The following ZNF888 variants were observed in gnomAD, a reference collection of about 807,000 sequenced individuals.
ZNF888 encodes CTD-2331H12.6.
A neutral mutation model predicts 7.2 loss-of-function variants in ZNF888; 5 were observed. That is an observed-to-expected ratio of 0.70 (90% CI 0.36 to 1.46). The LOEUF (loss-of-function observed/expected upper bound fraction) is 1.46, where lower values mean the gene tolerates loss of function less well. Ranked by LOEUF, ZNF888 falls within the 40% of genes most tolerant of loss-of-function variation. ZNF888 has a pLI of 0.03. For synonymous variants in ZNF888, 240 were observed against 284.3 expected (o/e 0.84, Z 1.57); for missense variants, 716 against 858.0 (o/e 0.83, Z 2.07).
At chr19:52,918,043 A>G in intron 2 of ZNF888, 112 bp from the exon 3 acceptor site, 2 of 1,471,806 alleles carry the variant, frequency 1.4e-6, no homozygotes, top group Non-Finnish European at 1.8e-6. Flanking sequence ...CCTGGGAAAT[A>G]TGGTCCACTC....
chr19:52,917,678 A>G (rs1054792786), intron 3 of ZNF888, among the ~76,000 whole-genome samples, 181 bp downstream of exon 3: 2 of 152,040 alleles, frequency 1.3e-5, no homozygotes, highest in Non-Finnish European at 2.9e-5. Context: ...TCTCATGTTC[A>G]TGTCATTGGG....
intron 1 of ZNF888, among the ~76,000 whole-genome samples, chr19:52,922,195 A>G (rs1467854986): frequency 6.6e-6 from 1 of 152,030 alleles, no homozygotes; most frequent in Admixed American, 6.6e-5. Context: ...AGCTTATTTA[A>G]CCTCTTGTTG....
chr19:52,912,903 T>C (rs2147929996), intron 4 of ZNF888, among the ~76,000 whole-genome samples: 1 of 151,912 alleles, frequency 6.6e-6, no homozygotes, highest in Non-Finnish European at 1.5e-5. Flanking sequence ...AGGTCGGGAG[T>C]TTGAGACCAC....
chr19:52,919,643 T>C (rs1247548449), intron 1 of ZNF888, among the ~76,000 whole-genome samples: 1 of 67,920 alleles, frequency 1.5e-5, no homozygotes, highest in African/African-American at 4.7e-5. Context: ...GGAGCGTCTC[T>C]GCCCGGCCGC....
chr19:52,913,649 T>C, intron 4 of ZNF888: 1 of 904,832 alleles, frequency 1.1e-6, no homozygotes, highest in Non-Finnish European at 1.3e-6. Context: ...TAAGTTTCAT[T>C]ATTATACTAT....
rs1302134832 is a variant in ZNF888, at chr19:52,920,094, C to T, written c.-177-1157G>A. ...GGGGTCAGCCCCCCGCCCGGCCAGC[C>T]GCCCTATCCAGGAGGTGAGGGGCGC... On this transcript the variant is annotated intron_variant, in intron 1 of 4. Coordinates refer to ENST00000638862, the MANE Select transcript of ZNF888 (RefSeq NM_001393938.1). 1.1e-4 allele frequency among the ~76,000 whole-genome samples: 6 copies of T among 52,912 alleles called. 1 individual carries two copies. The highest frequency in any genetic ancestry group is 2.1e-4 in the African/African-American group (3 of 14,556). The allele number at this position is 52,912 out of a possible 152,430, so 34.7% of individuals were successfully genotyped here.
intron 4 of ZNF888, among the ~76,000 whole-genome samples, chr19:52,908,712 G>T (rs915149543): frequency 6.6e-6 from 1 of 152,040 alleles, no homozygotes; most frequent in African/African-American, 2.4e-5. Context: ...CAGGTGTTGT[G>T]GCCCGTGCCT....
Position 52,907,145 on chromosome 19 carries a change from G to C in ZNF888, c.1177C>G (p.His393Asp), listed in dbSNP as rs2064620086. 1 of 1,610,150 alleles carries C rather than the reference G, an allele frequency of 6.2e-7. No homozygotes were observed. The highest frequency in any genetic ancestry group is 8.5e-7 in the Non-Finnish European group (1 of 1,179,028). Reference protein sequence around the residue: ...KCKVCDKAFRHDSHLAQHIVI... With the variant: ...KCKVCDKAFRDDSHLAQHIVI... ...ATATGCTGTGCCAGGTGTGAATCAT[G>C]TCTGAAAGCCTTGTCACAAACCTTA... The change falls in exon 5 of 5, where the codon CAT becomes GAT. Residue 393 changes from histidine to aspartate, a missense_variant. Transcript: ENST00000638862.
At chr19:52,914,993 G>T (rs891076077) in intron 4 of ZNF888, among the ~76,000 whole-genome samples, 1 of 152,152 alleles carries the variant, frequency 6.6e-6, no homozygotes, top group African/African-American at 2.4e-5. Context: ...TTTAGTCCTG[G>T]AACCCACATT....
chr19:52,921,132 A>T (rs1239794641), intron 1 of ZNF888, among the ~76,000 whole-genome samples: 2 of 152,144 alleles, frequency 1.3e-5, no homozygotes, highest in African/African-American at 2.4e-5. Flanking sequence ...ATTTAGGGAC[A>T]TAGGATAAGA....
intron 4 of ZNF888, 82 bp from the exon 5 acceptor site, chr19:52,908,261 A>G: frequency 7.5e-7 from 1 of 1,328,118 alleles, no homozygotes; most frequent in South Asian, 1.2e-5. Flanking sequence ...GACACCAAAA[A>G]CAATACTTAT....
intron 3 of ZNF888, 96 bp from the exon 4 acceptor site, chr19:52,915,418 G>A: frequency 1.9e-6 from 3 of 1,610,652 alleles, no homozygotes; most frequent in Non-Finnish European, 2.5e-6. Context: ...GGATTTAATT[G>A]TAGTGAATGT....
intron 2 of ZNF888, 76 bp from the exon 3 acceptor site, chr19:52,918,007 A>G (rs2064771125): frequency 1.3e-6 from 2 of 1,543,628 alleles, no homozygotes; most frequent in East Asian, 2.3e-5. Flanking sequence ...CCTGTAAAAC[A>G]ACGACACATA....
chr19:52,916,385 AC>A (rs2064748369), intron 3 of ZNF888, among the ~76,000 whole-genome samples: 1 of 151,734 alleles, frequency 6.6e-6, no homozygotes, highest in Non-Finnish European at 1.5e-5. Context: ...AAATAATAAA[AC>A]CTACACAGAC....
chr19:52,917,394 C>T (rs1323936708), intron 3 of ZNF888: 1 of 346,216 alleles, frequency 2.9e-6, no homozygotes, highest in African/African-American at 2.2e-5. Context: ...TGGTCAGACT[C>T]ACTCAATTAC....
At position 52,913,620 on chromosome 19, in the gene ZNF888, G is replaced by A. The variant is rs564164367; in HGVS notation, c.142+1576C>T. On this transcript the variant is annotated intron_variant, in intron 4 of 4. Coordinates refer to ENST00000638862, the MANE Select transcript of ZNF888 (RefSeq NM_001393938.1). ...ATTATAGGCGTGAGCCACTGTACCC[G>A]GCCAGGTTACAGAAATTTTAAGTTT... 9.6e-4 allele frequency: 692 copies of A among 724,198 alleles called. 2 individuals are homozygous for A. In the African/African-American group the frequency reaches 0.01, roughly 11 times the overall value. The allele number at this position is 724,198 out of a possible 1,614,324, so 44.9% of individuals were successfully genotyped here.
rs1354489060 is a variant in ZNF888, at chr19:52,905,309, C to T, written c.*856G>A. ...TCCCCCACTGAGCACCTTGTGACCC[C>T]CACCTCTGCCAGCCAGAGAACAACC... On this transcript the variant is annotated 3_prime_UTR_variant, in exon 5 of 5. Coordinates refer to ENST00000638862, the MANE Select transcript of ZNF888 (RefSeq NM_001393938.1). 1 of 152,188 alleles carries T rather than the reference C, an allele frequency of 6.6e-6. No individual in the cohort carries two copies. The highest frequency in any genetic ancestry group is 1.9e-4 in the East Asian group (1 of 5,178). The allele number at this position is 152,188 out of a possible 1,614,324, so 9.4% of individuals were successfully genotyped here.
rs564407766 is a variant in ZNF888, at chr19:52,913,681, C to T, written c.142+1515G>A. On this transcript the variant is annotated intron_variant, in intron 4 of 4. Transcript: ENST00000638862. ...CTATAAGTTTAAGATGTTTAACATA[C>T]CTGCAACAATAACCTCTGCCCATAT... is the stretch of plus-strand genomic sequence containing the variant. 4.1e-6 allele frequency: 4 copies of T among 972,094 alleles called. No individual in the cohort carries two copies. In the African/African-American group the frequency reaches 5.3e-5, roughly 13 times the overall value. 60.2% of individuals were successfully genotyped at this position (972,094 alleles called of 1,614,324 possible). A position where few individuals can be genotyped will look rare whatever the true frequency, so the allele number is the denominator to read the frequency against.
intron 1 of ZNF888, chr19:52,921,579 G>A: frequency 1.2e-6 from 1 of 836,940 alleles, no homozygotes; most frequent in African/African-American, 1.8e-5. Context: ...CTTTTGCAAG[G>A]TTCTGATGCC....
Sources: gnomAD v4.1 joint callset for allele counts (sites outside exome capture counted in the v4.1 genomes callset) on GRCh38, gnomAD v4.1.1 for gene constraint, MANE v1.5 for transcripts, NCBI Gene and HGNC (gene_info 2026-07-23, HGNC 2026-07-21) for gene names.